Variants in KLF13 observed in about 807,000 individuals in gnomAD.
KLF13 encodes the protein KLF transcription factor 13.
A neutral mutation model predicts 16.7 loss-of-function variants in KLF13; 8 were observed. The ratio of observed to expected loss-of-function variants is 0.48; its 90% CI spans 0.28 to 0.87. The LOEUF is 0.87. KLF13 is among the 40% of genes least tolerant of loss of function. The pLI, the probability that KLF13 is intolerant of heterozygous loss-of-function variation, is 0.10. For missense variants in KLF13, 447 were observed against 452.2 expected (o/e 0.99, Z 0.10); for synonymous variants, 245 against 208.4 (o/e 1.18, Z -1.51).
intron 1 of KLF13, among the ~76,000 whole-genome samples, chr15:31,383,682 C>T (rs190808855): frequency 1.2e-4 from 19 of 152,234 alleles, no homozygotes; most frequent in African/African-American, 2.2e-4. Context: ...GGGCAGATCA[C>T]GAGGTCAGGA....
At chr15:31,362,187 T>G (rs895248709) in intron 1 of KLF13, among the ~76,000 whole-genome samples, 25 of 152,328 alleles carry the variant, frequency 1.6e-4, no homozygotes, top group African/African-American at 4.6e-4. Flanking sequence ...GAACTGCTTC[T>G]GTTTAAATCC....
intron 1 of KLF13, among the ~76,000 whole-genome samples, chr15:31,383,638 C>T (rs550258674): frequency 5.6e-4 from 85 of 152,344 alleles, no homozygotes; most frequent in African/African-American, 1.6e-3. Context: ...CGGTGGCTCA[C>T]GCCTATAATC....
chr15:31,401,544 G>A (rs1279700986), intron 2 of KLF13, among the ~76,000 whole-genome samples: 2 of 152,232 alleles, frequency 1.3e-5, no homozygotes, highest in African/African-American at 2.4e-5. Context: ...TGTGCTTGGG[G>A]TGAGAGCCTG....
downstream of KLF13, among the ~76,000 whole-genome samples, chr15:31,382,731 G>T (rs59592724): frequency 0.032 from 4,801 of 152,306 alleles, 279 homozygotes; most frequent in African/African-American, 0.11. Context: ...TCCCTTCAGG[G>T]CCCACCAAGC....
downstream of KLF13, among the ~76,000 whole-genome samples, chr15:31,379,550 C>T (rs2039698625): frequency 6.6e-6 from 1 of 152,176 alleles, no homozygotes; most frequent in South Asian, 2.1e-4. Flanking sequence ...GCCCCCATCC[C>T]AGGAATGAGG....
At chr15:31,379,262 T>A (rs9302170), downstream of KLF13, among the ~76,000 whole-genome samples, 72,744 of 151,996 alleles carry the variant, frequency 0.48, 17,526 homozygotes, top group East Asian at 0.51. Flanking sequence ...AAACAAAGTC[T>A]TTTTGGTACT....
intron 1 of KLF13, among the ~76,000 whole-genome samples, chr15:31,349,528 C>T (rs1013658671): frequency 6.6e-6 from 1 of 152,232 alleles, no homozygotes; most frequent in African/African-American, 2.4e-5. Flanking sequence ...GGGACCCAGT[C>T]TGCTCCAGCT....
chr15:31,372,154 A>G lies in KLF13; in HGVS notation c.722A>G (p.His241Arg). 6.2e-7 allele frequency: 1 copy of G among 1,612,742 alleles called. No individual in the cohort carries two copies. Among genetic ancestry groups the G allele is most frequent in the Non-Finnish European group, 8.5e-7 (1 of 1,179,898 alleles). Reference sequence around the variant, plus strand: ...GAGAAGCGCTTCATGCGCAGCGACCACCTGACCAAGCACGCGCGCCGCCAC... The same window carrying G: ...GAGAAGCGCTTCATGCGCAGCGACCGCCTGACCAAGCACGCGCGCCGCCAC... ...ICEKRFMRSD[H>R]LTKHARRHAN... The change falls in exon 2 of 2, where the codon CAC (histidine) becomes CGC (arginine). Residue 241 changes from histidine (H) to arginine (R), a missense_variant. Physicochemically the swap from His to Arg is conservative, Grantham distance 29. This residue lies in a region of KLF13 where 88 missense variants were observed against 169.5 expected (regional missense o/e 0.52). Coordinates refer to ENST00000307145, the MANE Select transcript of KLF13 (RefSeq NM_015995.4).
rs952811265 is a variant in KLF13 at position 31,377,761 on chromosome 15, G to T, written c.*5462G>T. 1 of 152,560 alleles carries T rather than the reference G, an allele frequency of 6.6e-6. No individual in the cohort carries two copies. The highest frequency in any genetic ancestry group is 1.5e-5 in the Non-Finnish European group (1 of 68,026). The allele number at this position is 152,560 out of a possible 1,614,324, so 9.5% of individuals were successfully genotyped here. A position where few individuals can be genotyped will look rare whatever the true frequency, so the allele number is the denominator to read the frequency against. On this transcript the variant is annotated 3_prime_UTR_variant, in exon 2 of 2. Coordinates refer to ENST00000307145, the MANE Select transcript of KLF13 (RefSeq NM_015995.4). Reference sequence around the variant, plus strand: ...TCGGATAAAACTTTGTATGTATTTTGTATGGCATAGATTCTATATTGTAAT... The same window carrying T: ...TCGGATAAAACTTTGTATGTATTTTTTATGGCATAGATTCTATATTGTAAT...
At chr15:31,385,966 G>T (rs966079010) in intron 1 of KLF13, among the ~76,000 whole-genome samples, 2 of 152,242 alleles carry the variant, frequency 1.3e-5, no homozygotes, top group South Asian at 4.1e-4. Flanking sequence ...GAACTTAAAA[G>T]TGTTAACTCC....
At chr15:31,404,670 C>G (rs1315593064) in exon 3 of KLF13, 2 of 152,210 alleles carry the variant, frequency 1.3e-5, no homozygotes, top group Non-Finnish European at 2.9e-5. Flanking sequence ...CCACTGGGTC[C>G]CCATCCCTGT....
chr15:31,357,131 T>C (rs968180269), intron 1 of KLF13, among the ~76,000 whole-genome samples: 2 of 152,258 alleles, frequency 1.3e-5, no homozygotes, highest in African/African-American at 4.8e-5. Flanking sequence ...GCCACATTTT[T>C]CCTTCTGTAT....
chr15:31,340,883 A>G (rs1169263124), intron 1 of KLF13, among the ~76,000 whole-genome samples: 3 of 152,200 alleles, frequency 2.0e-5, no homozygotes, highest in South Asian at 2.1e-4. Flanking sequence ...ACAAAAGAAA[A>G]AAATCTCAAG....
intron 1 of KLF13, among the ~76,000 whole-genome samples, chr15:31,416,167 A>G (rs2040256037): frequency 6.6e-6 from 1 of 152,150 alleles, no homozygotes; most frequent in Admixed American, 6.5e-5. Context: ...GAAGCAAAGT[A>G]ATAAAAAACT....
Position 31,397,864 on chromosome 15 carries a change from G to C in KLF13, n.529+4173G>C, listed in dbSNP as rs534727658. ...GGTCTGCAGACTTCTCTGGTCTTTGGGGGTGGCGGCGGGGGGGGTGGTGAT... is the reference window on the plus strand; with the variant it reads ...GGTCTGCAGACTTCTCTGGTCTTTGCGGGTGGCGGCGGGGGGGGTGGTGAT... On this transcript the variant is annotated intron_variant and non_coding_transcript_variant, in intron 2 of 2. Transcript: ENST00000500533. Among the ~76,000 whole-genome samples the C allele has an allele frequency of 4.0e-3, 596 of 147,272 alleles. 3 individuals carry two copies. Among genetic ancestry groups the C allele is most frequent in the African/African-American group, 0.015 (567 of 39,086 alleles).
chr15:31,417,256 A>G (rs2040265858), intron 1 of KLF13, among the ~76,000 whole-genome samples: 1 of 152,084 alleles, frequency 6.6e-6, no homozygotes, highest in Non-Finnish European at 1.5e-5. Context: ...GCACTTTGGG[A>G]GGCCGAGATG....
intron 1 of KLF13, among the ~76,000 whole-genome samples, chr15:31,335,888 T>C (rs1267425898): frequency 1.3e-5 from 2 of 152,216 alleles, no homozygotes; most frequent in East Asian, 1.9e-4. Context: ...TCTGCAAGAA[T>C]TGAAGGCCCA....
chr15:31,334,619 G>A (rs553763747), intron 1 of KLF13, among the ~76,000 whole-genome samples: 2 of 152,126 alleles, frequency 1.3e-5, no homozygotes, highest in South Asian at 2.1e-4. Flanking sequence ...GTAGAGACGG[G>A]GTTTCACCAT....
chr15:31,429,695 TTTTA>T (rs201016352), intron 1 of KLF13, among the ~76,000 whole-genome samples: 46,315 of 137,200 alleles, frequency 0.34, 7,965 homozygotes, highest in East Asian at 0.39. Flanking sequence ...AGAAAGATTC[TTTTA>T]TTTATTTATT....
Sources: allele counts gnomAD v4.1 joint callset (sites outside exome capture counted in the v4.1 genomes callset), GRCh38; gene constraint gnomAD v4.1.1; regional missense constraint gnomAD v4.1.1; transcripts MANE v1.5; gene names NCBI Gene and HGNC (gene_info 2026-07-23, HGNC 2026-07-21).